Variants in SGMS2 observed in about 807,000 individuals in gnomAD.
SGMS2 encodes the protein phosphatidylcholine:ceramide cholinephosphotransferase 2.
In SGMS2, 21 loss-of-function variants were observed where a neutral mutation model predicts 43.8. The observed-to-expected ratio is 0.48, with a 90% CI of 0.34 to 0.69. The LOEUF (loss-of-function observed/expected upper bound fraction) is 0.69. Ranked by LOEUF, SGMS2 falls within the 30% of genes least tolerant of loss-of-function variation. The pLI is 0.01. For synonymous variants in SGMS2, 167 were observed against 160.6 expected, an observed-to-expected ratio of 1.04 and a Z score of -0.30; for missense variants, 384 against 443.2, an observed-to-expected ratio of 0.87 and a Z score of 1.20.
At chr4:107,831,339 C>G (rs1311742889) in intron 1 of SGMS2, among the ~76,000 whole-genome samples, 2 of 152,136 alleles carry the variant, frequency 1.3e-5, no homozygotes, top group Admixed American at 1.3e-4. Flanking sequence ...CAGAGGTGAA[C>G]CCTGACAGGC....
At position 107,895,310 on chromosome 4, in the gene SGMS2, G is replaced by A. The variant is rs1043992508; in HGVS notation, c.-244G>A. On this transcript the variant is annotated splice_region_variant and 5_prime_UTR_variant, in exon 3 of 7. In the 5' UTR this introduces an upstream ATG that the reference lacks. Transcript: ENST00000690982. ...GAACATAATTTTGTTTTGCTTTTAG[G>A]TGGGATAGTAACATCTTTTTGAGGG... The A allele has an allele frequency of 1.5e-5, 7 of 459,498 alleles. No homozygotes were observed. Among genetic ancestry groups the A allele is most frequent in the Non-Finnish European group, 1.5e-5 (4 of 262,314 alleles). 28.5% of individuals were successfully genotyped at this position (459,498 alleles called of 1,614,324 possible). A position where few individuals can be genotyped will look rare whatever the true frequency, so the allele number is the denominator to read the frequency against.
chr4:107,887,521 CA>C (rs1729856609), intron 2 of SGMS2, among the ~76,000 whole-genome samples: 1 of 152,152 alleles, frequency 6.6e-6, no homozygotes, highest in Non-Finnish European at 1.5e-5. Context: ...TTATATTTGA[CA>C]ATGCTTTCTG....
intron 3 of SGMS2, among the ~76,000 whole-genome samples, chr4:107,897,902 A>C (rs1730810852): frequency 1.3e-5 from 2 of 152,186 alleles, no homozygotes; most frequent in African/African-American, 4.8e-5. Context: ...CATTAGCACT[A>C]GTTCTTTTTC....
intron 5 of SGMS2, chr4:107,907,131 C>T (rs928448754): frequency 6.6e-6 from 1 of 152,108 alleles, no homozygotes; most frequent in African/African-American, 2.4e-5. Context: ...AGTTTTCTTC[C>T]AGAACTTAGT....
intron 2 of SGMS2, among the ~76,000 whole-genome samples, chr4:107,866,266 G>A (rs928294669): frequency 3.9e-5 from 6 of 151,964 alleles, no homozygotes; most frequent in African/African-American, 7.3e-5. Flanking sequence ...AAAATACCAA[G>A]TTAAAAAAAA....
intron 2 of SGMS2, among the ~76,000 whole-genome samples, chr4:107,878,069 C>A (rs1729068022): frequency 6.6e-6 from 1 of 151,938 alleles, no homozygotes; most frequent in Non-Finnish European, 1.5e-5. Context: ...GTGCGCACCA[C>A]CATGCCCGGC....
At chr4:107,878,040 T>A (rs1423217936) in intron 2 of SGMS2, among the ~76,000 whole-genome samples, 1 of 150,732 alleles carries the variant, frequency 6.6e-6, no homozygotes, top group African/African-American at 2.4e-5. Context: ...CTCAGCCTCC[T>A]GAGTAGCTGG....
intron 2 of SGMS2, among the ~76,000 whole-genome samples, chr4:107,868,584 G>A (rs1312401338): frequency 6.6e-6 from 1 of 152,066 alleles, no homozygotes; most frequent in Non-Finnish European, 1.5e-5. Flanking sequence ...TGGGCGTTGT[G>A]GTGGGCGCCT....
chr4:107,885,830 A>G (rs780945213), intron 2 of SGMS2, among the ~76,000 whole-genome samples: 1 of 152,200 alleles, frequency 6.6e-6, no homozygotes, highest in Non-Finnish European at 1.5e-5. Context: ...TAATAAAAAT[A>G]TGATCACTTA....
At chr4:107,836,910 A>T (rs1330157384) in intron 1 of SGMS2, among the ~76,000 whole-genome samples, 1 of 152,178 alleles carries the variant, frequency 6.6e-6, no homozygotes, top group Non-Finnish European at 1.5e-5. Flanking sequence ...GGGAAAAATA[A>T]CTCAGTGCAG....
At chr4:107,853,392 A>G (rs1312986972) in intron 1 of SGMS2, among the ~76,000 whole-genome samples, 1 of 152,194 alleles carries the variant, frequency 6.6e-6, no homozygotes, top group African/African-American at 2.4e-5. Context: ...CTCTTATAAT[A>G]AACTTTCACT....
chr4:107,841,385 TC>T (rs1726489429), intron 1 of SGMS2, among the ~76,000 whole-genome samples: 1 of 152,072 alleles, frequency 6.6e-6, no homozygotes, highest in African/African-American at 2.4e-5. Context: ...CCACTCTTTT[TC>T]CCCTGTGAAA....
intron 6 of SGMS2, among the ~76,000 whole-genome samples, chr4:107,909,426 TTAA>T (rs1560678501): frequency 6.6e-6 from 1 of 152,136 alleles, no homozygotes; most frequent in African/African-American, 2.4e-5. Context: ...CAGCTATTGT[TTAA>T]AATCACACAA....
At position 107,903,232 on chromosome 4, in the gene SGMS2, G is replaced by A; in HGVS notation, c.574-1G>A. ...CTTCTTAATCTTCTTGTGTCATTCA[G>A]CTCAATGGAGACTCTCAGGCAAAAG... On this transcript the variant is annotated splice_acceptor_variant, in intron 4 of 6. Coordinates refer to ENST00000690982, the MANE Select transcript of SGMS2 (RefSeq NM_001375905.1). LOFTEE classifies it high-confidence loss of function. 1.2e-6 allele frequency: 2 copies of A among 1,613,838 alleles called. No homozygotes were observed. The highest frequency in any genetic ancestry group is 1.7e-6 in the Non-Finnish European group (2 of 1,179,824).
chr4:107,905,194 A>G (rs1731454686), intron 5 of SGMS2, among the ~76,000 whole-genome samples: 1 of 152,236 alleles, frequency 6.6e-6, no homozygotes, highest in African/African-American at 2.4e-5. Flanking sequence ...GTGGCTGAGG[A>G]GGCCTCACAA....
chr4:107,902,108 A>G (rs1578655345), intron 4 of SGMS2, among the ~76,000 whole-genome samples: 1 of 150,112 alleles, frequency 6.7e-6, no homozygotes, highest in African/African-American at 2.5e-5. Context: ...TAGTAGAGAC[A>G]GGGTTTCTCC....
At chr4:107,830,952 AATG>A (rs1298984462) in intron 1 of SGMS2, among the ~76,000 whole-genome samples, 1 of 152,206 alleles carries the variant, frequency 6.6e-6, no homozygotes, top group Non-Finnish European at 1.5e-5. Flanking sequence ...GTGGTTAAAT[AATG>A]ATACTATAAG....
chr4:107,904,564 C>T lies in SGMS2; in HGVS notation c.727+1178C>T, dbSNP rs536432598. On this transcript the variant is annotated intron_variant, in intron 5 of 6. Transcript: ENST00000690982. ...CAAGTCTTTTTTGTGAGAATTGTAG[C>T]GTCTTTTTGTTGCTTCCTTTGTAAA... 7.2e-5 allele frequency among the ~76,000 whole-genome samples: 11 copies of T among 152,262 alleles called. No individual in the cohort carries two copies. The South Asian group carries it at 2.1e-3, about 29-fold the overall frequency.
At chr4:107,854,438 C>T (rs187217112) in intron 1 of SGMS2, among the ~76,000 whole-genome samples, 1 of 152,238 alleles carries the variant, frequency 6.6e-6, no homozygotes, top group Admixed American at 6.5e-5. Context: ...GAATATTCTT[C>T]CAAGTTGTTT....
Sources: allele counts gnomAD v4.1 joint callset (sites outside exome capture counted in the v4.1 genomes callset), GRCh38; gene constraint gnomAD v4.1.1; transcripts MANE v1.5; gene names NCBI Gene and HGNC (gene_info 2026-07-23, HGNC 2026-07-21).